PAIP1: variants seen among roughly 807,000 people sequenced by gnomAD.
PAIP1 encodes the protein polyadenylate-binding protein-interacting protein 1.
Under a neutral mutation model 61.3 loss-of-function variants are expected in PAIP1, and 16 were observed. The ratio of observed to expected loss-of-function variants is 0.26; its 90% confidence interval spans 0.18 to 0.40. PAIP1 has a LOEUF of 0.40. Ranked by LOEUF, PAIP1 falls within the 10% of genes least tolerant of loss-of-function variation. PAIP1 has a pLI of 1.00. For missense variants in PAIP1, 416 were observed against 600.9 expected, an observed-to-expected ratio of 0.69 and a Z score of 3.22; for synonymous variants, 187 against 226.2, an observed-to-expected ratio of 0.83 and a Z score of 1.56.
At chr5:43,557,127 G>A (rs10043934), upstream of PAIP1, 185,406 of 411,558 alleles carry the variant, frequency 0.45, 45,897 homozygotes, top group East Asian at 0.76. Flanking sequence ...CAGGGGCGCA[G>A]GCGGGTCACA....
intron 2 of PAIP1, among the ~76,000 whole-genome samples, chr5:43,554,540 C>T (rs1428634039): frequency 6.6e-6 from 1 of 152,068 alleles, no homozygotes; most frequent in Non-Finnish European, 1.5e-5. Context: ...ACATGGAACA[C>T]AGCTTTTTCC....
At position 43,543,933 on chromosome 5, in the gene PAIP1, T is replaced by C. The variant is rs370526402; in HGVS notation, c.622-817A>G. Among the ~76,000 whole-genome samples the C allele has an allele frequency of 6.6e-5, 10 of 152,010 alleles. 1 individual carries two copies. Among genetic ancestry groups the C allele is most frequent in the Non-Finnish European group, 1.2e-4 (8 of 67,958 alleles). On this transcript the variant is annotated intron_variant, in intron 3 of 10. Transcript: ENST00000306846. ...AAGGCCAGAGGATCGCTTGAGGCCA[T>C]GAGTTCAAGACCAGCCTAGTCAACA...
chr5:43,554,177 A>G (rs1238368784), intron 2 of PAIP1, among the ~76,000 whole-genome samples: 1 of 152,176 alleles, frequency 6.6e-6, no homozygotes, highest in Non-Finnish European at 1.5e-5. Context: ...CACTTGAACC[A>G]CGTAAAAATA....
intron 3 of PAIP1, among the ~76,000 whole-genome samples, chr5:43,544,635 C>A (rs911720185): frequency 6.6e-6 from 1 of 152,078 alleles, no homozygotes; most frequent in Non-Finnish European, 1.5e-5. Context: ...GCATCCCTGT[C>A]CAAAAATCTA....
At chr5:43,533,102 C>A (rs2112381656) in intron 9 of PAIP1, among the ~76,000 whole-genome samples, 1 of 152,282 alleles carries the variant, frequency 6.6e-6, no homozygotes, top group Admixed American at 6.5e-5. Context: ...AAAAACTTCT[C>A]TGTGCTAGAG....
intron 8 of PAIP1, 79 bp downstream of exon 8, chr5:43,534,774 A>G: frequency 2.5e-6 from 2 of 790,104 alleles, no homozygotes; most frequent in Non-Finnish European, 4.5e-6. Context: ...AATTCTGAGA[A>G]CAGCTTTATG....
At position 43,556,923 on chromosome 5, in the gene PAIP1, G is replaced by A; in HGVS notation, c.-77C>T. ...ATAGGACGCGGGGGGAAGGCGCCGC[G>A]GGTCGGCTATAGCCGCCGCGCCTCA... is the stretch of plus-strand genomic sequence containing the variant. On this transcript the variant is annotated 5_prime_UTR_variant, in exon 1 of 11. Transcript: ENST00000306846. 1.5e-6 allele frequency: 2 copies of A among 1,314,428 alleles called. No individual in the cohort carries two copies. The highest frequency in any genetic ancestry group is 9.7e-7 in the Non-Finnish European group (1 of 1,034,290). 81.4% of individuals were successfully genotyped at this position (1,314,428 alleles called of 1,614,324 possible). A position where few individuals can be genotyped will look rare whatever the true frequency, so the allele number is the denominator to read the frequency against.
intron 2 of PAIP1, 55 bp from the exon 3 acceptor site, chr5:43,547,968 C>T (rs911042280): frequency 7.0e-6 from 8 of 1,136,130 alleles, no homozygotes; most frequent in South Asian, 1.4e-5. Flanking sequence ...CTAAAACACA[C>T]AAGGTGGTAT....
chr5:43,532,811 G>A (rs961242476), intron 9 of PAIP1, among the ~76,000 whole-genome samples: 1 of 152,154 alleles, frequency 6.6e-6, no homozygotes, highest in Non-Finnish European at 1.5e-5. Context: ...AGTATTAGCA[G>A]GCAATTCTCA....
At chr5:43,531,332 AAAG>A (rs1266499557) in intron 9 of PAIP1, among the ~76,000 whole-genome samples, 3 of 151,766 alleles carry the variant, frequency 2.0e-5, no homozygotes, top group African/African-American at 7.3e-5. Context: ...AAAAATGAAA[AAAG>A]AAAAAAGAAA....
intron 3 of PAIP1, among the ~76,000 whole-genome samples, 194 bp from the exon 4 acceptor site, chr5:43,543,310 C>CAA (rs11427976): frequency 0.075 from 7,230 of 95,944 alleles, 264 homozygotes; most frequent in Non-Finnish European, 0.1. Flanking sequence ...ACAATAAGTA[C>CAA]AAAAAAAAAA....
rs140128914 is a variant in PAIP1, at chr5:43,556,218, G to A, written c.266-219C>T. On this transcript the variant is annotated intron_variant, in intron 1 of 10. Transcript: ENST00000306846. Reference sequence around the variant, plus strand: ...ATGGGCATACCTGCCTCTCAAATGAGTGCTTGCGAGCTTTTTTCCTCTCTG... The same window carrying A: ...ATGGGCATACCTGCCTCTCAAATGAATGCTTGCGAGCTTTTTTCCTCTCTG... The A allele has an allele frequency of 8.9e-4, 1,160 of 1,301,304 alleles. 11 individuals carry two copies. In the African/African-American group the frequency reaches 0.016, roughly 18 times the overall value. The allele number at this position is 1,301,304 out of a possible 1,614,324, so 80.6% of individuals were successfully genotyped here. A position where few individuals can be genotyped will look rare whatever the true frequency, so the allele number is the denominator to read the frequency against.
At position 43,545,855 on chromosome 5, in the gene PAIP1, C is replaced by T. The variant is rs554693697; in HGVS notation, c.621+1873G>A. ...CGCAATCTCGGCTCACTGCAACCTC[C>T]GCCTCCCGGGTTCAAGCGATTCTCC... On this transcript the variant is annotated intron_variant, in intron 3 of 10. Coordinates refer to ENST00000306846, the MANE Select transcript of PAIP1 (RefSeq NM_006451.5). Among the ~76,000 whole-genome samples the T allele has an allele frequency of 2.0e-4, 30 of 151,980 alleles. No individual in the cohort carries two copies. In the South Asian group the frequency reaches 4.4e-3, roughly 22 times the overall value.
In PAIP1 at chr5:43,526,835, C is replaced by T. The variant is rs1271982286; in HGVS notation, c.*541G>A. On this transcript the variant is annotated 3_prime_UTR_variant, in exon 11 of 11. Coordinates refer to ENST00000306846, the MANE Select transcript of PAIP1 (RefSeq NM_006451.5). Reference sequence around the variant, plus strand: ...TTCCCCCCCATGACATTTAAAAAGCCCTTGGTATCAAATAGCATCTGCATA... The same window carrying T: ...TTCCCCCCCATGACATTTAAAAAGCTCTTGGTATCAAATAGCATCTGCATA... 1 of 151,972 alleles carries T rather than the reference C, an allele frequency of 6.6e-6. No individual in the cohort carries two copies. Among genetic ancestry groups the T allele is most frequent in the African/African-American group, 2.4e-5 (1 of 41,418 alleles). The allele number at this position is 151,972 out of a possible 1,614,324, so 9.4% of individuals were successfully genotyped here.
At chr5:43,533,445 TA>T (rs746646747) in intron 9 of PAIP1, among the ~76,000 whole-genome samples, 1 of 152,160 alleles carries the variant, frequency 6.6e-6, no homozygotes, top group Admixed American at 6.5e-5. Flanking sequence ...TTTAAGATTA[TA>T]AAAAAGTTAG....
intron 8 of PAIP1, among the ~76,000 whole-genome samples, chr5:43,534,005 C>T (rs1377044515): frequency 6.6e-6 from 1 of 152,180 alleles, no homozygotes; most frequent in Non-Finnish European, 1.5e-5. Context: ...GTGGTTCTAA[C>T]GGTGCTGTCT....
chr5:43,534,849 A>C lies in PAIP1; in HGVS notation c.1197+4T>G. On this transcript the variant is annotated splice_donor_region_variant and intron_variant, in intron 8 of 10. Transcript: ENST00000306846. Reference sequence around the variant, plus strand: ...TAAAACTTAAAATATAAACACTGGCATACCATAAAGTAGTTAGGATCATTT... The same window carrying C: ...TAAAACTTAAAATATAAACACTGGCCTACCATAAAGTAGTTAGGATCATTT... The C allele has an allele frequency of 7.3e-7, 1 of 1,372,700 alleles. No homozygotes were observed. Among genetic ancestry groups the C allele is most frequent in the Non-Finnish European group, 1.0e-6 (1 of 961,738 alleles). The allele number at this position is 1,372,700 out of a possible 1,614,324, so 85.0% of individuals were successfully genotyped here. A position where few individuals can be genotyped will look rare whatever the true frequency, so the allele number is the denominator to read the frequency against.
chr5:43,554,794 T>C (rs569876219), intron 2 of PAIP1, among the ~76,000 whole-genome samples: 1 of 152,294 alleles, frequency 6.6e-6, no homozygotes, highest in Admixed American at 6.5e-5. Context: ...TAAAGCTGGC[T>C]ACCCTAAGTC....
chr5:43,529,003 A>C (rs990395741), intron 10 of PAIP1, among the ~76,000 whole-genome samples: 6 of 152,134 alleles, frequency 3.9e-5, no homozygotes, highest in Admixed American at 1.3e-4. Context: ...TCTTCTTATC[A>C]GTTCAAACAT....
Sources: allele counts gnomAD v4.1 joint callset (sites outside exome capture counted in the v4.1 genomes callset), GRCh38; gene constraint gnomAD v4.1.1; transcripts MANE v1.5; gene names NCBI Gene and HGNC (gene_info 2026-07-23, HGNC 2026-07-21).